ABCC3: variants seen among roughly 807,000 people sequenced by gnomAD.
ABCC3 encodes ATP-binding cassette sub-family C member 3.
ABCC3 carries 121 observed loss-of-function variants against 165.3 expected under a neutral mutation model. The ratio of observed to expected loss-of-function variants is 0.73; its 90% CI spans 0.63 to 0.85. The LOEUF (loss-of-function observed/expected upper bound fraction) is 0.85, where lower values mean the gene tolerates loss of function less well. Among genes scored for constraint, ABCC3 ranks in the 40% least tolerant of loss-of-function variants. The pLI is 0.00. For synonymous variants in ABCC3, 733 were observed against 810.1 expected, an observed-to-expected ratio of 0.90 and a Z score of 1.62; for missense variants, 1,869 against 1,964.1, an observed-to-expected ratio of 0.95 and a Z score of 0.92.
chr17:50,659,461 T>C (rs2146609599), intron 7 of ABCC3, 93 bp downstream of exon 7: 1 of 1,454,420 alleles, frequency 6.9e-7, no homozygotes, highest in South Asian at 1.3e-5. Context: ...GCGGCATTGC[T>C]GGGGTGGCAA....
chr17:50,656,848 A>G (rs1967261583), intron 3 of ABCC3, 21 bp downstream of exon 3: 1 of 1,592,546 alleles, frequency 6.3e-7, no homozygotes, highest in Admixed American at 1.8e-5. Context: ...GGCCCTGGGA[A>G]AGTGGATGGG....
chr17:50,673,283 T>A, intron 18 of ABCC3, 145 bp downstream of exon 18: 1 of 1,248,414 alleles, frequency 8.0e-7, no homozygotes, highest in South Asian at 1.4e-5. Context: ...AGGAGAAACC[T>A]GTGGGGACAA....
rs1967778752 is a variant in ABCC3 at position 50,675,434 on chromosome 17, AC to A, written c.2673del (p.Asp891GlufsTer14). 1 of 1,613,970 alleles carries A rather than the reference AC, an allele frequency of 6.2e-7. No individual in the cohort carries two copies. The highest frequency in any genetic ancestry group is 8.5e-7 in the Non-Finnish European group (1 of 1,179,992). On this transcript the variant is annotated frameshift_variant, in exon 20 of 31. Transcript: ENST00000285238. LOFTEE classifies it high-confidence loss of function. ...DTLSNHTDLT[D>X]NDPVTYVVQK... is the part of the protein sequence containing the mutation. The stretch of plus-strand genomic sequence containing the variant: ...CTCAGCAACCACACGGATCTGACAG[AC>A]AATGATCCAGTCACCTATGTGGTCC...
chr17:50,681,025 G>A (rs1196301099), intron 26 of ABCC3, among the ~76,000 whole-genome samples: 1 of 151,698 alleles, frequency 6.6e-6, no homozygotes, highest in East Asian at 1.9e-4. Context: ...GCAGTGAGCC[G>A]AGATTGCGCC....
chr17:50,673,240 G>A (rs1326185554), intron 18 of ABCC3, 102 bp downstream of exon 18: 1 of 1,465,518 alleles, frequency 6.8e-7, no homozygotes, highest in East Asian at 2.4e-5. Flanking sequence ...GAGGTGTGGG[G>A]GGCGCAAGAA....
At chr17:50,641,320 C>G (rs993516044) in intron 1 of ABCC3, among the ~76,000 whole-genome samples, 1 of 152,206 alleles carries the variant, frequency 6.6e-6, no homozygotes, top group African/African-American at 2.4e-5. Context: ...GGGCTCAGCT[C>G]TCACCTCCCA....
intron 8 of ABCC3, among the ~76,000 whole-genome samples, chr17:50,662,474 A>G (rs905921910): frequency 6.6e-6 from 1 of 151,934 alleles, no homozygotes; most frequent in Admixed American, 6.6e-5. Context: ...CTGTCTCTAC[A>G]AAAAAGTTAA....
chr17:50,659,371 G>T lies in ABCC3; in HGVS notation c.806+3G>T. 1.2e-6 allele frequency: 2 copies of T among 1,606,396 alleles called. No homozygotes were observed. The highest frequency in any genetic ancestry group is 1.7e-6 in the Non-Finnish European group (2 of 1,174,336). ...AAGCAGGAAAAGCAGACGGCACGGT[G>T]AGGCCCTCCCCTTGCCCCAACACCC... On this transcript the variant is annotated splice_donor_region_variant and intron_variant, in intron 7 of 30. Transcript: ENST00000285238.
chr17:50,647,003 C>T (rs968551676), intron 1 of ABCC3, among the ~76,000 whole-genome samples: 11 of 152,186 alleles, frequency 7.2e-5, no homozygotes, highest in Admixed American at 3.9e-4. Context: ...CTCAGCCTCC[C>T]GAGTAGCTGG....
At chr17:50,677,033 C>T (rs1260966747) in intron 23 of ABCC3, among the ~76,000 whole-genome samples, 1 of 152,210 alleles carries the variant, frequency 6.6e-6, no homozygotes, top group Non-Finnish European at 1.5e-5. Flanking sequence ...AGGCATGCGC[C>T]ACCACGCCCA....
chr17:50,655,762 C>A, intron 1 of ABCC3, 70 bp from the exon 2 acceptor site: 2 of 1,437,356 alleles, frequency 1.4e-6, no homozygotes, highest in Non-Finnish European at 1.9e-6. Flanking sequence ...TCCAGCTAAG[C>A]CATCTTCCTC....
chr17:50,661,057 G>A lies in ABCC3; in HGVS notation c.941G>A (p.Ser314Asn). 2 of 1,614,198 alleles carry A rather than the reference G, an allele frequency of 1.2e-6. No homozygotes were observed. Among genetic ancestry groups the A allele is most frequent in the Non-Finnish European group, 1.7e-6 (2 of 1,180,028 alleles). ...LATFGSSFLISACFKLIQDLL... is the reference protein window; with the variant it reads ...LATFGSSFLINACFKLIQDLL... ...ACCTTCGGCTCCAGCTTCCTCATCA[G>A]TGCCTGCTTCAAGCTTATCCAGGAC... is the stretch of plus-strand genomic sequence containing the variant. The change falls in exon 8 of 31, where the codon AGT (serine) becomes AAT (asparagine). Residue 314 changes from serine to asparagine, a missense_variant. Transcript: ENST00000285238.
chr17:50,678,047 C>T (rs1380130313), intron 24 of ABCC3, 46 bp from the exon 25 acceptor site: 1 of 1,613,778 alleles, frequency 6.2e-7, no homozygotes, highest in Non-Finnish European at 8.5e-7. Context: ...GAAAACTGGC[C>T]CTGCCCTGCC....
At chr17:50,655,149 T>C (rs1597845222) in intron 1 of ABCC3, among the ~76,000 whole-genome samples, 2 of 142,262 alleles carry the variant, frequency 1.4e-5, no homozygotes, top group South Asian at 4.5e-4. Context: ...CCGTCACGCC[T>C]GTAATCCCAG....
chr17:50,635,113 G>A (rs2146579580), intron 1 of ABCC3, 132 bp downstream of exon 1: 2 of 1,020,074 alleles, frequency 2.0e-6, no homozygotes, highest in Non-Finnish European at 2.6e-6. Flanking sequence ...CTGGGCGCCC[G>A]GGAGGGGGCG....
rs1439403378 is a variant in ABCC3 at position 50,691,711 on chromosome 17, G to T, written c.*511G>T. On this transcript the variant is annotated 3_prime_UTR_variant, in exon 31 of 31. Coordinates refer to ENST00000285238, the MANE Select transcript of ABCC3 (RefSeq NM_003786.4). Reference sequence around the variant, plus strand: ...CTACATGGTCAACAGTATATACACAGTAGTCTTTTTGCACTTGTTCACAAG... The same window carrying T: ...CTACATGGTCAACAGTATATACACATTAGTCTTTTTGCACTTGTTCACAAG... 1 of 153,510 alleles carries T rather than the reference G, an allele frequency of 6.5e-6. No homozygotes were observed. The highest frequency in any genetic ancestry group is 1.5e-5 in the Non-Finnish European group (1 of 68,874). 9.5% of individuals were successfully genotyped at this position (153,510 alleles called of 1,614,324 possible). A position where few individuals can be genotyped will look rare whatever the true frequency, so the allele number is the denominator to read the frequency against.
chr17:50,674,036 C>T lies in ABCC3; in HGVS notation c.2599+378C>T, dbSNP rs867424584. Among the ~76,000 whole-genome samples, 5 of 23,220 alleles carry T rather than the reference C, an allele frequency of 2.2e-4. 2 individuals carry two copies. The highest frequency in any genetic ancestry group is 1.4e-3 in the African/African-American group (4 of 2,844). The allele number at this position is 23,220 out of a possible 152,430, so 15.2% of individuals were successfully genotyped here. On this transcript the variant is annotated intron_variant, in intron 19 of 30. Transcript: ENST00000285238. The stretch of plus-strand genomic sequence containing the variant: ...TCTCTCTCTCTCTCTCTCTCTCTCT[C>T]TTTCTTTCTTTCTTTCTTTCTTTCT...
chr17:50,679,789 T>C lies in ABCC3; in HGVS notation c.3706-9T>C. The C allele has an allele frequency of 6.2e-7, 1 of 1,613,456 alleles. No individual in the cohort carries two copies. Among genetic ancestry groups the C allele is most frequent in the South Asian group, 1.1e-5 (1 of 91,056 alleles). On this transcript the variant is annotated splice_polypyrimidine_tract_variant and intron_variant, in intron 25 of 30. Coordinates refer to ENST00000285238, the MANE Select transcript of ABCC3 (RefSeq NM_003786.4). Reference sequence around the variant, plus strand: ...ATCGCCATACGTATAACCCAGTCCCTTTGGCCAGGTGACATTTGCTCTGAA... The same window carrying C: ...ATCGCCATACGTATAACCCAGTCCCCTTGGCCAGGTGACATTTGCTCTGAA...
chr17:50,635,178 T>TC (rs2054167041), intron 1 of ABCC3, 197 bp downstream of exon 1: 1 of 573,246 alleles, frequency 1.7e-6, no homozygotes, highest in Non-Finnish European at 2.9e-6. Context: ...CCACGCGGTG[T>TC]CGGGGACCTG....
Sources: allele counts gnomAD v4.1 joint callset (sites outside exome capture counted in the v4.1 genomes callset), GRCh38; gene constraint gnomAD v4.1.1; transcripts MANE v1.5; gene names NCBI Gene and HGNC (gene_info 2026-07-23, HGNC 2026-07-21).